The following MOV10L1 variants were observed in gnomAD, a reference collection of about 807,000 sequenced individuals.
MOV10L1 encodes Mov10 like RNA helicase 1, also known as RNA helicase Mov10l1.
In MOV10L1, 110 loss-of-function variants were observed where a neutral mutation model predicts 143.8. That is an observed-to-expected ratio of 0.76 (90% CI 0.66 to 0.90). The LOEUF (loss-of-function observed/expected upper bound fraction) is 0.90, where lower values mean the gene tolerates loss of function less well. Among genes scored for constraint, MOV10L1 ranks in the 40% least tolerant of loss-of-function variants. The pLI is 0.00. For synonymous variants in MOV10L1, 593 were observed against 581.1 expected (o/e 1.02, Z -0.29); for missense variants, 1,406 against 1,526.8 (o/e 0.92, Z 1.32).
chr22:50,115,257 G>A lies in MOV10L1; in HGVS notation c.1259+11G>A, dbSNP rs777926304. 11 of 1,491,454 alleles carry A rather than the reference G, an allele frequency of 7.4e-6. No individual in the cohort carries two copies. The highest frequency in any genetic ancestry group is 4.2e-5 in the South Asian group (3 of 71,446). The allele number at this position is 1,491,454 out of a possible 1,614,324, so 92.4% of individuals were successfully genotyped here. A position where few individuals can be genotyped will look rare whatever the true frequency, so the allele number is the denominator to read the frequency against. ...CATCTGTGACGGAAAGTAAGGGCCT[G>A]GAGGTCTGGGGAGAGCCGCGTTTTT... On this transcript the variant is annotated intron_variant, in intron 8 of 26. Transcript: ENST00000262794.
chr22:50,144,592 T>TTTTG (rs2063086931), intron 18 of MOV10L1, among the ~76,000 whole-genome samples: 1 of 142,238 alleles, frequency 7.0e-6, no homozygotes, highest in Non-Finnish European at 1.6e-5. Flanking sequence ...GTTTTGTTTT[T>TTTTG]TTTTTTTGAG....
chr22:50,149,597 A>G lies in MOV10L1; in HGVS notation c.2628-18A>G, dbSNP rs138373368. Reference sequence around the variant, plus strand: ...AACAATTCGGCAGAAATTACCATTTAGAACATCTTTGCTCTAGAGTTGGGC... The same window carrying G: ...AACAATTCGGCAGAAATTACCATTTGGAACATCTTTGCTCTAGAGTTGGGC... On this transcript the variant is annotated intron_variant, in intron 19 of 26. Coordinates refer to ENST00000262794, the MANE Select transcript of MOV10L1 (RefSeq NM_018995.3). 1.2e-6 allele frequency: 2 copies of G among 1,612,832 alleles called. No individual in the cohort carries two copies. The highest frequency in any genetic ancestry group is 1.7e-6 in the Non-Finnish European group (2 of 1,179,036).
chr22:50,109,848 T>A (rs13055849), intron 5 of MOV10L1, among the ~76,000 whole-genome samples: 33,745 of 150,384 alleles, frequency 0.22, 4,107 homozygotes, highest in Admixed American at 0.35. Flanking sequence ...TCTTAAAAAA[T>A]AAAAAGAGAA....
intron 5 of MOV10L1, among the ~76,000 whole-genome samples, chr22:50,113,001 G>A (rs774489066): frequency 2.0e-5 from 3 of 152,152 alleles, no homozygotes; most frequent in Admixed American, 6.5e-5. Context: ...GAAGTGTGGC[G>A]AGCCATTCTA....
chr22:50,131,056 C>T (rs1191243889), intron 13 of MOV10L1, among the ~76,000 whole-genome samples: 1 of 138,962 alleles, frequency 7.2e-6, no homozygotes, highest in Non-Finnish European at 1.5e-5. Context: ...ACCACCACGC[C>T]CGGCTAATTT....
At chr22:50,096,882 C>T (rs555773983) in intron 2 of MOV10L1, among the ~76,000 whole-genome samples, 18 of 152,302 alleles carry the variant, frequency 1.2e-4, no homozygotes, top group African/African-American at 4.3e-4. Context: ...TCTCTCATCA[C>T]ATACATGATT....
At chr22:50,097,344 A>G (rs2062615171) in intron 2 of MOV10L1, among the ~76,000 whole-genome samples, 1 of 152,160 alleles carries the variant, frequency 6.6e-6, no homozygotes, top group Non-Finnish European at 1.5e-5. Flanking sequence ...CCTGGGCTCA[A>G]GTGATCCGCC....
rs986909700 is a variant in MOV10L1 at position 50,103,126 on chromosome 22, G to C, written c.442+3524G>C. 1.2e-4 allele frequency among the ~76,000 whole-genome samples: 18 copies of C among 152,188 alleles called. 1 individual carries two copies. The highest frequency in any genetic ancestry group is 4.3e-4 in the African/African-American group (18 of 41,450). On this transcript the variant is annotated intron_variant, in intron 3 of 26. Transcript: ENST00000262794. ...CAACCCTCTGAGGTTACCTAGGTGAGGTCTGACACACGAGGGCAGCAGAGG... is the reference window on the plus strand; with the variant it reads ...CAACCCTCTGAGGTTACCTAGGTGACGTCTGACACACGAGGGCAGCAGAGG...
At chr22:50,137,873 CACAT>C (rs1241762077) in intron 15 of MOV10L1, among the ~76,000 whole-genome samples, 3 of 135,104 alleles carry the variant, frequency 2.2e-5, no homozygotes, top group Non-Finnish European at 4.9e-5. Flanking sequence ...TATATATACA[CACAT>C]ATTTTATATA....
At chr22:50,106,699 C>CTTTTT (rs71198216) in intron 3 of MOV10L1, among the ~76,000 whole-genome samples, 3 of 120,704 alleles carry the variant, frequency 2.5e-5, no homozygotes, top group African/African-American at 6.2e-5. Flanking sequence ...AGGACATGGT[C>CTTTTT]TTTTTTTTTT....
intron 13 of MOV10L1, among the ~76,000 whole-genome samples, chr22:50,130,274 A>G (rs2062633760): frequency 6.6e-6 from 1 of 152,054 alleles, no homozygotes; most frequent in African/African-American, 2.4e-5. Context: ...CTCTGTCTCA[A>G]AAAATAAATA....
chr22:50,161,608 A>C lies in MOV10L1; in HGVS notation c.*159A>C. ...GTTGGACGCAGCTGCTGCTGCCCTG[A>C]CTTTGGCATATGCCAGCCTGTTCCT... On this transcript the variant is annotated 3_prime_UTR_variant, in exon 27 of 27. Coordinates refer to ENST00000262794, the MANE Select transcript of MOV10L1 (RefSeq NM_018995.3). 3 of 680,648 alleles carry C rather than the reference A, an allele frequency of 4.4e-6. No individual in the cohort carries two copies. The highest frequency in any genetic ancestry group is 7.2e-6 in the Non-Finnish European group (3 of 416,178). The allele number at this position is 680,648 out of a possible 1,614,324, so 42.2% of individuals were successfully genotyped here. A position where few individuals can be genotyped will look rare whatever the true frequency, so the allele number is the denominator to read the frequency against.
intron 19 of MOV10L1, chr22:50,147,143 T>G: frequency 3.8e-6 from 6 of 1,590,470 alleles, no homozygotes; most frequent in Non-Finnish European, 2.6e-6. Context: ...CTGGAGCTGA[T>G]GTTCAGGTAG....
intron 17 of MOV10L1, among the ~76,000 whole-genome samples, 200 bp from the exon 18 acceptor site, chr22:50,143,897 G>A (rs1321973466): frequency 6.6e-6 from 1 of 152,216 alleles, no homozygotes; most frequent in African/African-American, 2.4e-5. Flanking sequence ...AGAGTGCGGA[G>A]AACCTTCCCA....
At chr22:50,151,118 G>A (rs569555397) in intron 21 of MOV10L1, among the ~76,000 whole-genome samples, 65 of 152,360 alleles carry the variant, frequency 4.3e-4, no homozygotes, top group African/African-American at 1.5e-3. Flanking sequence ...GTTAAAATCT[G>A]TGTTACTCTG....
intron 20 of MOV10L1, 30 bp downstream of exon 20, chr22:50,149,744 C>T (rs2063245489): frequency 3.2e-6 from 5 of 1,580,638 alleles, no homozygotes; most frequent in South Asian, 2.3e-5. Flanking sequence ...TGTGCTGCTT[C>T]CTCCTCACCC....
chr22:50,118,104 G>A (rs759452656), intron 9 of MOV10L1, among the ~76,000 whole-genome samples: 43 of 152,184 alleles, frequency 2.8e-4, no homozygotes, highest in Admixed American at 7.8e-4. Flanking sequence ...TTCAAATCAC[G>A]TGTTGCCCCA....
Position 50,120,515 on chromosome 22 carries a change from C to A in MOV10L1, c.1468C>A (p.Gln490Lys). 1.2e-6 allele frequency: 2 copies of A among 1,610,156 alleles called. No homozygotes were observed. The part of the protein sequence containing the change: ...VTAQKRNSRR[Q>K]LPSFLPQYPI... ...TAATTTTTTAAGGAACTCAAGACGA[C>A]AACTTCCAAGTTTTCTTCCCCAATA... is the stretch of plus-strand genomic sequence containing the variant. The change falls in exon 10 of 27, where the codon CAA (glutamine) becomes AAA (lysine). Residue 490 changes from glutamine to lysine, a missense_variant. This residue lies in a region of MOV10L1 where 1,233 missense variants were observed against 1,351.4 expected (regional missense o/e 0.91). Coordinates refer to ENST00000262794, the MANE Select transcript of MOV10L1 (RefSeq NM_018995.3).
intron 5 of MOV10L1, among the ~76,000 whole-genome samples, chr22:50,112,704 C>T (rs2062055996): frequency 6.6e-6 from 1 of 152,236 alleles, no homozygotes; most frequent in African/African-American, 2.4e-5. Context: ...ACTCTAGAAA[C>T]AGATCATGTG....
Sources: allele counts gnomAD v4.1 joint callset (sites outside exome capture counted in the v4.1 genomes callset), GRCh38; gene constraint gnomAD v4.1.1; regional missense constraint gnomAD v4.1.1; transcripts MANE v1.5; gene names NCBI Gene and HGNC (gene_info 2026-07-23, HGNC 2026-07-21).